Variants in ANKDD1A observed in about 807,000 individuals in gnomAD.
ANKDD1A encodes ankyrin repeat and death domain-containing protein 1A.
In ANKDD1A, 59 loss-of-function variants were observed where a neutral mutation model predicts 63.5. That is an observed-to-expected ratio of 0.93 (90% CI 0.75 to 1.15). The LOEUF is 1.15. Among genes scored for constraint, ANKDD1A ranks in the 50% most tolerant of loss-of-function variants. The pLI, the probability that ANKDD1A is intolerant of heterozygous loss-of-function variation, is 0.00. For synonymous variants in ANKDD1A, 266 were observed against 263.9 expected (o/e 1.01, Z -0.08); for missense variants, 632 against 656.4 (o/e 0.96, Z 0.41).
chr15:64,926,117 C>T lies in ANKDD1A; in HGVS notation c.418C>T (p.Leu140=), dbSNP rs763102108. 1 of 1,614,086 alleles carries T rather than the reference C, an allele frequency of 6.2e-7. No homozygotes were observed. The highest frequency in any genetic ancestry group is 1.1e-5 in the South Asian group (1 of 91,072). The change falls in exon 5 of 15, where the codon CTG becomes TTG. Residue 140 remains leucine (L), a synonymous_variant. Coordinates refer to ENST00000319580, the MANE Select transcript of ANKDD1A (RefSeq NM_182703.6). ...AGCCCAAAAAGGCCATGTGCCTGTG[C>T]TGGCGTTCATAATGGAGGACCTGGA... ...CAAQKGHVPV[L]AFIMEDLEDV...
intron 2 of ANKDD1A, among the ~76,000 whole-genome samples, chr15:64,916,883 T>C (rs970923261): frequency 6.6e-6 from 1 of 152,084 alleles, no homozygotes; most frequent in Non-Finnish European, 1.5e-5. Flanking sequence ...ACTGCCAAGG[T>C]GGTCTGAGAA....
At chr15:64,915,677 T>TTCCTAGCTGAAAGACCCCTGC in intron 1 of ANKDD1A, 120 bp from the exon 2 acceptor site, 1 of 790,050 alleles carries the variant, frequency 1.3e-6, no homozygotes. Flanking sequence ...TCTGCCCCTG[T>TTCCTAGCTGAAAGACCCCTGC]TCCTAGCTGA....
At chr15:64,953,663 T>TTTTCC (rs1555397895) in intron 14 of ANKDD1A, among the ~76,000 whole-genome samples, 1 of 135,438 alleles carries the variant, frequency 7.4e-6, no homozygotes. Context: ...CTTCTTTTCT[T>TTTTCC]TCTTCTCCTT....
At chr15:64,929,394 C>T (rs533823288) in intron 6 of ANKDD1A, among the ~76,000 whole-genome samples, 2 of 152,256 alleles carry the variant, frequency 1.3e-5, no homozygotes, top group South Asian at 4.1e-4. Flanking sequence ...GGCTGGAATT[C>T]CTGGGCTCAA....
chr15:64,950,579 G>C (rs1195520769), intron 14 of ANKDD1A: 3 of 985,250 alleles, frequency 3.0e-6, no homozygotes, highest in East Asian at 2.3e-4. Flanking sequence ...TACATAATGG[G>C]GCAACCACAG....
At position 64,940,393 on chromosome 15, in the gene ANKDD1A, T is replaced by TAGA. The variant is rs1322685470; in HGVS notation, c.868-2074_868-2073insAGA. Among the ~76,000 whole-genome samples, 270 of 132,430 alleles carry TAGA rather than the reference T, an allele frequency of 2.0e-3. 4 individuals are homozygous for TAGA. Among genetic ancestry groups the TAGA allele is most frequent in the African/African-American group, 5.9e-3 (217 of 36,840 alleles). 86.9% of individuals were successfully genotyped at this position (132,430 alleles called of 152,430 possible). On this transcript the variant is annotated intron_variant, in intron 9 of 14. Coordinates refer to ENST00000319580, the MANE Select transcript of ANKDD1A (RefSeq NM_182703.6). ...ACCATCCATGGTGGGGATAGGATGA[T>TAGA]TGATAGATAGATAGATAGATAGATA...
Position 64,948,642 on chromosome 15 carries a change from T to C in ANKDD1A, c.1351+1049T>C, listed in dbSNP as rs143652068. ...GAGTTTGAGACCAGCCTGGCCAACA[T>C]GGTGAATCCCCCGTCTCTACTAAAA... On this transcript the variant is annotated intron_variant, in intron 13 of 14. Transcript: ENST00000319580. Among the ~76,000 whole-genome samples the C allele has an allele frequency of 2.8e-3, 420 of 152,144 alleles. 3 individuals carry two copies. The highest frequency in any genetic ancestry group is 9.8e-3 in the African/African-American group (408 of 41,508).
At chr15:64,944,353 C>A (rs938084859) in intron 11 of ANKDD1A, among the ~76,000 whole-genome samples, 4 of 152,228 alleles carry the variant, frequency 2.6e-5, no homozygotes, top group Non-Finnish European at 5.9e-5. Flanking sequence ...GTGGGAACCC[C>A]TATTTCACAG....
intron 8 of ANKDD1A, 29 bp downstream of exon 8, chr15:64,931,614 G>A (rs1250628388): frequency 5.6e-6 from 9 of 1,607,682 alleles, no homozygotes; most frequent in East Asian, 2.2e-5. Context: ...GACTGCGGTC[G>A]GCTCTTGGCT....
Position 64,926,902 on chromosome 15 carries a change from T to C in ANKDD1A, c.473T>C (p.Leu158Pro). The C allele has an allele frequency of 6.2e-7, 1 of 1,614,076 alleles. No individual in the cohort carries two copies. Among genetic ancestry groups the C allele is most frequent in the East Asian group, 2.2e-5 (1 of 44,864 alleles). Reference protein sequence around the residue: ...EDVALDHVDKLGRTAFHRAAE... With the variant: ...EDVALDHVDKPGRTAFHRAAE... ...CACACCGCTTCTCCTCCCGGCCAGC[T>C]GGGGAGGACGGCGTTTCACAGGGCA... is the stretch of plus-strand genomic sequence containing the variant. Residue 158 changes from leucine to proline, a missense_variant and splice_region_variant, in exon 6 of 15, where the codon CTG becomes CCG. Physicochemically the swap from Leu to Pro is moderately conservative, Grantham distance 98 (BLOSUM62 -3). Coordinates refer to ENST00000319580, the MANE Select transcript of ANKDD1A (RefSeq NM_182703.6).
intron 12 of ANKDD1A, 89 bp downstream of exon 12, chr15:64,944,836 C>A: frequency 3.1e-6 from 4 of 1,289,864 alleles, no homozygotes; most frequent in Non-Finnish European, 4.3e-6. Flanking sequence ...TAGGCCTGAC[C>A]AATTCTGGGT....
chr15:64,930,707 C>T (rs1280189890), intron 6 of ANKDD1A, 115 bp from the exon 7 acceptor site: 1 of 974,582 alleles, frequency 1.0e-6, no homozygotes, highest in African/African-American at 1.6e-5. Flanking sequence ...GTTTTTGGCC[C>T]AGTTGTCAGG....
intron 11 of ANKDD1A, chr15:64,943,839 T>G: frequency 4.0e-6 from 2 of 494,552 alleles, no homozygotes; most frequent in Non-Finnish European, 7.4e-6. Flanking sequence ...TTCTCCTTTA[T>G]GGCCCCCATC....
Position 64,926,886 on chromosome 15 carries a change from TCTC to T in ANKDD1A, c.472-10_472-8del. On this transcript the variant is annotated splice_polypyrimidine_tract_variant and intron_variant, in intron 5 of 14. Transcript: ENST00000319580. The stretch of plus-strand genomic sequence containing the variant: ...CAGAGTGAGGAAGGCTCACACCGCT[TCTC>T]CTCCCGGCCAGCTGGGGAGGACGGC... The T allele has an allele frequency of 6.2e-7, 1 of 1,613,762 alleles. No individual in the cohort carries two copies. Among genetic ancestry groups the T allele is most frequent in the Non-Finnish European group, 8.5e-7 (1 of 1,179,800 alleles).
chr15:64,926,915 G>A lies in ANKDD1A; in HGVS notation c.486G>A (p.Ala162=), dbSNP rs554342619. Reference sequence around the variant, plus strand: ...CTCCCGGCCAGCTGGGGAGGACGGCGTTTCACAGGGCAGCTGAGCACGGGC... The same window carrying A: ...CTCCCGGCCAGCTGGGGAGGACGGCATTTCACAGGGCAGCTGAGCACGGGC... ...LDHVDKLGRT[A]FHRAAEHGQL... is the part of the protein sequence containing the mutation. Residue 162 remains alanine (A), a synonymous_variant, in exon 6 of 15, where the codon GCG becomes GCA. Transcript: ENST00000319580. 30 of 1,614,176 alleles carry A rather than the reference G, an allele frequency of 1.9e-5. No homozygotes were observed. In the South Asian group the frequency reaches 2.1e-4, roughly 11 times the overall value.
intron 14 of ANKDD1A, chr15:64,951,331 T>TTTCC (rs2085269964): frequency 1.1e-5 from 2 of 176,976 alleles, no homozygotes; most frequent in Admixed American, 4.4e-4. Flanking sequence ...TTCTTTCCTC[T>TTTCC]TTTTCTTTCT....
At chr15:64,937,281 A>G (rs748989077) in intron 9 of ANKDD1A, among the ~76,000 whole-genome samples, 1 of 152,240 alleles carries the variant, frequency 6.6e-6, no homozygotes, top group Admixed American at 6.5e-5. Flanking sequence ...TTTATTTGAC[A>G]GATATACTTC....
In ANKDD1A at chr15:64,953,056, TTTC is replaced by T. The variant is rs1566917240; in HGVS notation, c.1483+3088_1483+3090del. 1.6e-4 allele frequency among the ~76,000 whole-genome samples: 24 copies of T among 150,218 alleles called. No homozygotes were observed. In the South Asian group the frequency reaches 2.3e-3, roughly 14 times the overall value. On this transcript the variant is annotated intron_variant, in intron 14 of 14. Transcript: ENST00000319580. The stretch of plus-strand genomic sequence containing the variant: ...TCTTCCTTTCTTCTTTCCTCTCTTT[TTTC>T]TTCCTCTTTCCTTCTTTCTTCTTCT...
chr15:64,927,356 G>C (rs2085053474), intron 6 of ANKDD1A, among the ~76,000 whole-genome samples: 1 of 152,208 alleles, frequency 6.6e-6, no homozygotes, highest in African/African-American at 2.4e-5. Context: ...TGATCTACTG[G>C]GGTTGTCTGT....
Sources: gnomAD v4.1 joint callset for allele counts (sites outside exome capture counted in the v4.1 genomes callset) on GRCh38, gnomAD v4.1.1 for gene constraint, MANE v1.5 for transcripts, NCBI Gene and HGNC (gene_info 2026-07-23, HGNC 2026-07-21) for gene names.